The following COX7B2 variants were observed in gnomAD, a reference collection of about 807,000 sequenced individuals.
COX7B2 encodes the protein cytochrome c oxidase subunit 7B2.
For missense variants in COX7B2, 109 were observed against 95.9 expected (o/e 1.14, Z -0.57); for synonymous variants, 37 against 32.1 (o/e 1.15, Z -0.51).
At chr4:46,754,082 T>C (rs544726489) in intron 2 of COX7B2, among the ~76,000 whole-genome samples, 181 of 152,220 alleles carry the variant, frequency 1.2e-3, no homozygotes, top group African/African-American at 4.2e-3. Flanking sequence ...GGAGAGGATG[T>C]GGAGAAATAG....
intron 2 of COX7B2, among the ~76,000 whole-genome samples, chr4:46,812,716 C>T (rs1382943855): frequency 1.3e-5 from 2 of 152,066 alleles, no homozygotes; most frequent in African/African-American, 4.8e-5. Context: ...GGCTTTTCGA[C>T]CTGAAGGTGC....
At chr4:46,852,563 T>TAC (rs113148039) in intron 1 of COX7B2, among the ~76,000 whole-genome samples, 7,246 of 145,726 alleles carry the variant, frequency 0.05, 244 homozygotes, top group Admixed American at 0.1. Flanking sequence ...AATACACAAA[T>TAC]ACACACACAC....
chr4:46,836,283 C>T (rs1715506056), intron 2 of COX7B2, among the ~76,000 whole-genome samples: 1 of 152,046 alleles, frequency 6.6e-6, no homozygotes, highest in Non-Finnish European at 1.5e-5. Context: ...GCTCAAAACA[C>T]AAACACTGTA....
intron 2 of COX7B2, among the ~76,000 whole-genome samples, chr4:46,819,204 TA>T: frequency 6.6e-6 from 1 of 152,190 alleles, no homozygotes; most frequent in East Asian, 1.9e-4. Context: ...AAAATGAGGG[TA>T]AATTTGATCT....
In COX7B2 at chr4:46,753,508, A is replaced by G. The variant is rs542785357; in HGVS notation, c.-49-18267T>C. On this transcript the variant is annotated intron_variant, in intron 2 of 2. Transcript: ENST00000355591. ...ATGGTGCTGGGAAAACTGGCTAGCC[A>G]TATGTAGAAAGCTGAAACTGGATCC... Among the ~76,000 whole-genome samples, 186 of 151,822 alleles carry G rather than the reference A, an allele frequency of 1.2e-3. No individual in the cohort carries two copies. In the Middle Eastern group the frequency reaches 0.014, roughly 11 times the overall value.
chr4:46,844,291 T>A (rs1716124801), intron 2 of COX7B2, among the ~76,000 whole-genome samples: 1 of 151,972 alleles, frequency 6.6e-6, no homozygotes, highest in Admixed American at 6.6e-5. Context: ...TGAGGAAGTT[T>A]AGGAATTAAA....
chr4:46,852,273 G>C (rs994504433), intron 1 of COX7B2, among the ~76,000 whole-genome samples: 1 of 152,038 alleles, frequency 6.6e-6, no homozygotes, highest in Non-Finnish European at 1.5e-5. Flanking sequence ...TTGTTCATTA[G>C]GAGCTCCTTC....
intron 2 of COX7B2, among the ~76,000 whole-genome samples, chr4:46,803,699 G>T (rs938413884): frequency 6.3e-5 from 9 of 143,960 alleles, no homozygotes; most frequent in African/African-American, 2.3e-4. Flanking sequence ...AATTGTTGTT[G>T]CTCATTGGCT....
rs1455111452 is a variant in COX7B2 at position 46,777,858 on chromosome 4, G to T, written c.-49-42617C>A. Among the ~76,000 whole-genome samples, 3 of 152,046 alleles carry T rather than the reference G, an allele frequency of 2.0e-5. No individual in the cohort carries two copies. In the East Asian group the frequency reaches 5.8e-4, roughly 29 times the overall value. ...TCAAAAATAGATGGAGATAACACTGGTGCTTACTTCATAAAGTTAAACAGA... is the reference window on the plus strand; with the variant it reads ...TCAAAAATAGATGGAGATAACACTGTTGCTTACTTCATAAAGTTAAACAGA... On this transcript the variant is annotated intron_variant, in intron 2 of 2. Transcript: ENST00000355591.
intron 2 of COX7B2, among the ~76,000 whole-genome samples, chr4:46,762,466 T>TATACTATATATACTATATATA (rs1431206538): frequency 3.4e-4 from 43 of 125,792 alleles, no homozygotes; most frequent in African/African-American, 8.0e-4. Flanking sequence ...ATATAGTATA[T>TATACTATATATACTATATATA]GTACTATATA....
intron 1 of COX7B2, chr4:46,903,926 A>G (rs1449559156): frequency 6.6e-6 from 1 of 152,186 alleles, no homozygotes; most frequent in South Asian, 2.1e-4. Context: ...GCGATGCATG[A>G]CTGTAGTTCC....
At chr4:46,804,167 G>A (rs922289281) in intron 2 of COX7B2, among the ~76,000 whole-genome samples, 5 of 152,090 alleles carry the variant, frequency 3.3e-5, no homozygotes, top group Non-Finnish European at 5.9e-5. Context: ...CGGTGGGTTC[G>A]TGGTCTCACT....
intron 2 of COX7B2, among the ~76,000 whole-genome samples, chr4:46,756,367 C>T (rs1309237106): frequency 1.3e-5 from 2 of 151,380 alleles, no homozygotes; most frequent in Non-Finnish European, 3.0e-5. Context: ...CTAGGAAAAT[C>T]CTCTTCTGGA....
In COX7B2 at chr4:46,764,687, A is replaced by C. The variant is rs1055119500; in HGVS notation, c.-49-29446T>G. On this transcript the variant is annotated intron_variant, in intron 2 of 2. Transcript: ENST00000355591. ...AAAGTGAGACTCCGCCTCAAAAAAA[A>C]AAAAAAAAAGTAGAATATTTGCATG... Among the ~76,000 whole-genome samples the C allele has an allele frequency of 1.4e-4, 22 of 152,148 alleles. No homozygotes were observed. The South Asian group carries it at 4.6e-3, about 32-fold the overall frequency.
At chr4:46,808,340 G>GTA (rs901237256) in intron 2 of COX7B2, among the ~76,000 whole-genome samples, 16 of 151,606 alleles carry the variant, frequency 1.1e-4, no homozygotes, top group African/African-American at 2.9e-4. Flanking sequence ...TTTCAGTTGT[G>GTA]TATATAAATG....
At chr4:46,882,640 C>A (rs1393008999) in intron 1 of COX7B2, among the ~76,000 whole-genome samples, 1 of 152,074 alleles carries the variant, frequency 6.6e-6, no homozygotes, top group Non-Finnish European at 1.5e-5. Context: ...TTTCTGATCG[C>A]TGGGTAGATT....
At chr4:46,751,008 G>T (rs1044478744) in intron 2 of COX7B2, among the ~76,000 whole-genome samples, 1 of 152,094 alleles carries the variant, frequency 6.6e-6, no homozygotes, top group African/African-American at 2.4e-5. Flanking sequence ...CCATAACAAT[G>T]AACTATAAAG....
At chr4:46,863,497 C>T (rs1056046607) in intron 1 of COX7B2, among the ~76,000 whole-genome samples, 2 of 152,142 alleles carry the variant, frequency 1.3e-5, no homozygotes. Context: ...AGAGAATAGT[C>T]GCCCATGTTA....
chr4:46,779,755 A>C (rs186425065), intron 2 of COX7B2, among the ~76,000 whole-genome samples: 33 of 152,028 alleles, frequency 2.2e-4, no homozygotes, highest in African/African-American at 7.2e-4. Flanking sequence ...ACTAAACCAA[A>C]TAAAAAAATT....
Sources: gnomAD v4.1 joint callset for allele counts (sites outside exome capture counted in the v4.1 genomes callset) on GRCh38, gnomAD v4.1.1 for gene constraint, MANE v1.5 for transcripts, NCBI Gene and HGNC (gene_info 2026-07-23, HGNC 2026-07-21) for gene names.